The following TTLL1 variants were observed in gnomAD, a reference collection of about 807,000 sequenced individuals.
TTLL1 encodes TTL family tubulin polyglutamylase complex subunit L1, also known as polyglutamylase complex subunit TTLL1.
In TTLL1, 33 loss-of-function variants were observed where a neutral mutation model predicts 47.8. That is an observed-to-expected ratio of 0.69 (90% CI 0.52 to 0.92). The LOEUF (loss-of-function observed/expected upper bound fraction) is 0.92. TTLL1 is among the 40% of genes least tolerant of loss of function. TTLL1 has a pLI of 0.00. For synonymous variants in TTLL1, 225 were observed against 214.1 expected (o/e 1.05, Z -0.45); for missense variants, 488 against 547.5 (o/e 0.89, Z 1.08).
chr22:43,086,443 GAGA>G (rs977827575), intron 1 of TTLL1, among the ~76,000 whole-genome samples: 1 of 152,108 alleles, frequency 6.6e-6, no homozygotes, highest in Non-Finnish European at 1.5e-5. Flanking sequence ...TGAGCTCAAA[GAGA>G]AGGTTTCCCA....
At chr22:43,069,323 C>T (rs1438309149) in intron 4 of TTLL1, among the ~76,000 whole-genome samples, 1 of 143,322 alleles carries the variant, frequency 7.0e-6, no homozygotes, top group Non-Finnish European at 1.5e-5. Context: ...ACTCAGGAGG[C>T]GGAGGTTGCA....
At chr22:43,088,029 T>A (rs1929349305) in intron 1 of TTLL1, among the ~76,000 whole-genome samples, 1 of 150,948 alleles carries the variant, frequency 6.6e-6, no homozygotes, top group Non-Finnish European at 1.5e-5. Context: ...GTGCCTGTAA[T>A]CACAGCTACA....
At chr22:43,056,230 G>A (rs907508465) in intron 8 of TTLL1, among the ~76,000 whole-genome samples, 9 of 151,614 alleles carry the variant, frequency 5.9e-5, no homozygotes, top group East Asian at 1.9e-4. Flanking sequence ...GTGGTGGCGC[G>A]CACTTGTAGT....
At chr22:43,068,349 G>A (rs6003029) in intron 5 of TTLL1, 61 bp downstream of exon 5, 83,265 of 1,348,438 alleles carry the variant, frequency 0.062, 3,334 homozygotes, top group African/African-American at 0.17. Context: ...CAAAGACTGC[G>A]AACAGCATAA....
intron 10 of TTLL1, among the ~76,000 whole-genome samples, chr22:43,040,960 A>G (rs1925627881): frequency 6.6e-6 from 1 of 152,096 alleles, no homozygotes; most frequent in Non-Finnish European, 1.5e-5. Flanking sequence ...GTCCTGGAGC[A>G]TGGTCGTTGC....
chr22:43,067,382 G>C (rs1601685511), intron 5 of TTLL1, among the ~76,000 whole-genome samples: 1 of 152,214 alleles, frequency 6.6e-6, no homozygotes, highest in South Asian at 2.1e-4. Flanking sequence ...AATACGCTCA[G>C]CCACTTCGTG....
intron 8 of TTLL1, among the ~76,000 whole-genome samples, chr22:43,058,252 A>G (rs1347409902): frequency 6.6e-6 from 1 of 152,120 alleles, no homozygotes; most frequent in African/African-American, 2.4e-5. Flanking sequence ...CCCCGGAAAT[A>G]TTAATAGTAG....
At chr22:43,068,707 C>A (rs1927911453) in intron 4 of TTLL1, 117 bp from the exon 5 acceptor site, 2 of 865,568 alleles carry the variant, frequency 2.3e-6, no homozygotes, top group African/African-American at 3.4e-5. Flanking sequence ...CACCGCAACC[C>A]AGCAGCTAAC....
Position 43,041,767 on chromosome 22 carries a change from C to T in TTLL1, c.1143-1862G>A, listed in dbSNP as rs145753177. ...CTGAGCTCAAGCAATCTTCCTGCCTCGGTCTCCCAAAGTGCTGGGATTACA... is the reference window on the plus strand; with the variant it reads ...CTGAGCTCAAGCAATCTTCCTGCCTTGGTCTCCCAAAGTGCTGGGATTACA... On this transcript the variant is annotated intron_variant, in intron 10 of 10. Coordinates refer to ENST00000266254, the MANE Select transcript of TTLL1 (RefSeq NM_012263.5). Among the ~76,000 whole-genome samples the T allele has an allele frequency of 5.5e-3, 838 of 152,224 alleles. 12 individuals are homozygous for T. The highest frequency in any genetic ancestry group is 9.5e-3 in the South Asian group (46 of 4,822).
At chr22:43,063,751 C>A in intron 7 of TTLL1, 62 bp downstream of exon 7, 5 of 1,530,288 alleles carry the variant, frequency 3.3e-6, no homozygotes, top group South Asian at 1.1e-5. Context: ...CAGGCGTGAG[C>A]CACCACACCC....
intron 2 of TTLL1, 116 bp downstream of exon 2, chr22:43,079,786 A>C (rs1377990346): frequency 6.6e-6 from 1 of 152,172 alleles, no homozygotes; most frequent in Non-Finnish European, 1.5e-5. Flanking sequence ...ACATTTCACT[A>C]AGCAACTGGG....
At chr22:43,075,686 C>CG in intron 2 of TTLL1, 96 bp from the exon 3 acceptor site, 2 of 1,043,626 alleles carry the variant, frequency 1.9e-6, no homozygotes, top group Middle Eastern at 4.6e-4. Flanking sequence ...ATCCCAAACT[C>CG]GATCTTACCC....
chr22:43,046,906 G>C (rs1926185941), intron 9 of TTLL1, among the ~76,000 whole-genome samples: 1 of 152,106 alleles, frequency 6.6e-6, no homozygotes, highest in African/African-American at 2.4e-5. Context: ...CCTGACCTCA[G>C]GTGATCCTCC....
chr22:43,069,493 A>C, intron 4 of TTLL1, 143 bp downstream of exon 4: 2 of 1,428,174 alleles, frequency 1.4e-6, no homozygotes, highest in Non-Finnish European at 9.4e-7. Flanking sequence ...TTCTGGAGAC[A>C]CCTGAAATGA....
In TTLL1 at chr22:43,071,388, CTTTTG is replaced by C. The variant is rs538972456; in HGVS notation, c.114-1549_114-1545del. On this transcript the variant is annotated intron_variant, in intron 3 of 10. Coordinates refer to ENST00000266254, the MANE Select transcript of TTLL1 (RefSeq NM_012263.5). ...AGTGGCTCACGTCTGTAATCCAGCACTTTTGTTTTGTTTTGTTTTGTTTTGTTTAT... is the reference window on the plus strand; with the variant it reads ...AGTGGCTCACGTCTGTAATCCAGCACTTTTGTTTTGTTTTGTTTTGTTTAT... 2.8e-3 allele frequency among the ~76,000 whole-genome samples: 432 copies of C among 151,964 alleles called. 7 individuals are homozygous for C. Among genetic ancestry groups the C allele is most frequent in the South Asian group, 7.5e-3 (36 of 4,818 alleles).
At chr22:43,047,604 G>GA (rs1926242689) in intron 9 of TTLL1, among the ~76,000 whole-genome samples, 1 of 152,038 alleles carries the variant, frequency 6.6e-6, no homozygotes, top group African/African-American at 2.4e-5. Flanking sequence ...GGGTAGCTGG[G>GA]ATTACAGGCA....
chr22:43,069,858 G>A lies in TTLL1; in HGVS notation c.114-14C>T. The A allele has an allele frequency of 1.2e-6, 2 of 1,613,588 alleles. No individual in the cohort carries two copies. The highest frequency in any genetic ancestry group is 2.2e-5 in the South Asian group (2 of 91,066). ...TGCACACTCATCCTGAAAGAGATGA[G>A]CAGGAGAGACACTTGGCAGTGATGT... On this transcript the variant is annotated splice_polypyrimidine_tract_variant and intron_variant, in intron 3 of 10. Transcript: ENST00000266254.
intron 3 of TTLL1, among the ~76,000 whole-genome samples, chr22:43,074,598 T>C (rs2146986192): frequency 6.6e-6 from 1 of 152,248 alleles, no homozygotes; most frequent in Non-Finnish European, 1.5e-5. Context: ...CCCAACACTT[T>C]GGGAGGCTGA....
intron 10 of TTLL1, among the ~76,000 whole-genome samples, chr22:43,042,710 G>A (rs944100577): frequency 1.3e-5 from 2 of 152,176 alleles, no homozygotes; most frequent in African/African-American, 4.8e-5. Context: ...AGCACCAACT[G>A]CTACTGCTGC....
Sources: gnomAD v4.1 joint callset for allele counts (sites outside exome capture counted in the v4.1 genomes callset) on GRCh38, gnomAD v4.1.1 for gene constraint, MANE v1.5 for transcripts, NCBI Gene and HGNC (gene_info 2026-07-23, HGNC 2026-07-21) for gene names.